The following AGBL2 variants were observed in gnomAD, a reference collection of about 807,000 sequenced individuals.
The protein encoded by AGBL2 is AGBL carboxypeptidase 2, also known as cytosolic carboxypeptidase 2.
AGBL2 carries 87 observed loss-of-function variants against 103.0 expected under a neutral mutation model. The ratio of observed to expected loss-of-function variants is 0.84; its 90% CI spans 0.71 to 1.01. The LOEUF (loss-of-function observed/expected upper bound fraction) is 1.01, where lower values mean the gene tolerates loss of function less well. Ranked by LOEUF, AGBL2 falls within the 50% of genes least tolerant of loss-of-function variation. The pLI, the probability that AGBL2 is intolerant of heterozygous loss-of-function variation, is 0.00. For synonymous variants in AGBL2, 335 were observed against 356.7 expected, an observed-to-expected ratio of 0.94 and a Z score of 0.69; for missense variants, 904 against 1,023.5, an observed-to-expected ratio of 0.88 and a Z score of 1.59.
At chr11:47,665,663 A>G (rs773355107) in intron 17 of AGBL2, among the ~76,000 whole-genome samples, 4 of 152,018 alleles carry the variant, frequency 2.6e-5, no homozygotes, top group Non-Finnish European at 5.9e-5. Flanking sequence ...TATGTTGTGC[A>G]GGCTGGTCTT....
chr11:47,705,855 A>T lies in AGBL2; in HGVS notation c.286+9T>A, dbSNP rs371185841. On this transcript the variant is annotated intron_variant, in intron 5 of 18. Transcript: ENST00000525123. ...CTTGAATCTTCTGGTCTGGAAGGAC[A>T]TGAAATACCTCTGTTGATGGCTTCT... The T allele has an allele frequency of 3.2e-5, 52 of 1,613,400 alleles. No homozygotes were observed. Among genetic ancestry groups the T allele is most frequent in the African/African-American group, 4.0e-5 (3 of 74,904 alleles).
chr11:47,705,991 C>T, intron 4 of AGBL2, 74 bp from the exon 5 acceptor site: 1 of 1,245,970 alleles, frequency 8.0e-7, no homozygotes. Flanking sequence ...CTATCCCCAT[C>T]CCTTCTCATT....
In AGBL2 at chr11:47,709,306, A is replaced by C. The variant is rs150963415; in HGVS notation, c.232+1071T>G. ...AGGAGACCAATTAGGAGGCTGAATG[A>C]TGACAGCTTGGATGGGAGGTGGTAG... is the stretch of plus-strand genomic sequence containing the variant. On this transcript the variant is annotated intron_variant, in intron 4 of 18. Coordinates refer to ENST00000525123, the MANE Select transcript of AGBL2 (RefSeq NM_024783.4). Among the ~76,000 whole-genome samples the C allele has an allele frequency of 3.4e-3, 505 of 147,710 alleles. 4 individuals are homozygous for C. The highest frequency in any genetic ancestry group is 3.9e-3 in the Non-Finnish European group (263 of 67,156).
At chr11:47,710,050 G>A (rs756734962) in intron 4 of AGBL2, among the ~76,000 whole-genome samples, 9 of 151,870 alleles carry the variant, frequency 5.9e-5, no homozygotes, top group Non-Finnish European at 1.2e-4. Context: ...CACCACACCC[G>A]GCTAATTTTT....
At position 47,666,682 on chromosome 11, in the gene AGBL2, A is replaced by G. The variant is rs150779166; in HGVS notation, c.2448+274T>C. 1,381 of 582,258 alleles carry G rather than the reference A, an allele frequency of 2.4e-3. 2 individuals carry two copies. The highest frequency in any genetic ancestry group is 0.011 in the Middle Eastern group (41 of 3,708). The allele number at this position is 582,258 out of a possible 1,614,324, so 36.1% of individuals were successfully genotyped here. ...CATTTGCTGATTGAGTAGATGGGTG[A>G]GTAGAGGGATGAATGGATGGTAAGT... On this transcript the variant is annotated intron_variant, in intron 17 of 18. Coordinates refer to ENST00000525123, the MANE Select transcript of AGBL2 (RefSeq NM_024783.4).
At position 47,666,969 on chromosome 11, in the gene AGBL2, G is replaced by T. The variant is rs749464477; in HGVS notation, c.2435C>A (p.Pro812Gln). 3.1e-6 allele frequency: 5 copies of T among 1,611,236 alleles called. No individual in the cohort carries two copies. The South Asian group carries it at 5.5e-5, about 18-fold the overall frequency. ...CAAAAATACTACCTCATTTAACCTT[G>T]GGTTTTCATTTTTCATTGGTAAAAA... is the stretch of plus-strand genomic sequence containing the variant. ...SSFLPMKNEN[P>Q]RLNETNLNRR... Residue 812 changes from proline (P) to glutamine (Q), a missense_variant, in exon 17 of 19, where the codon CCA (proline) becomes CAA (glutamine). Coordinates refer to ENST00000525123, the MANE Select transcript of AGBL2 (RefSeq NM_024783.4).
chr11:47,668,785 A>C (rs2153802805), intron 15 of AGBL2, 56 bp downstream of exon 15: 35 of 1,267,184 alleles, frequency 2.8e-5, no homozygotes, highest in South Asian at 3.6e-5. Flanking sequence ...ATTGTCTGGT[A>C]GTGTCATGAC....
intron 4 of AGBL2, 140 bp downstream of exon 4, chr11:47,710,237 G>C (rs753463431): frequency 6.6e-5 from 64 of 976,276 alleles, no homozygotes; most frequent in Non-Finnish European, 9.7e-5. Context: ...TAGATTTAGA[G>C]AGAAGTTTTG....
chr11:47,703,936 A>C (rs1298156483), intron 7 of AGBL2, among the ~76,000 whole-genome samples: 1 of 137,702 alleles, frequency 7.3e-6, no homozygotes, highest in South Asian at 2.9e-4. Context: ...AAAAAAAAAA[A>C]AAAACAAAAA....
chr11:47,678,335 A>ATT (rs771416947), intron 13 of AGBL2, among the ~76,000 whole-genome samples: 6,418 of 61,082 alleles, frequency 0.11, 397 homozygotes, highest in South Asian at 0.26. Flanking sequence ...ATTTTATTTT[A>ATT]TTATTTTATT....
chr11:47,687,566 G>A (rs1598991692), intron 10 of AGBL2, among the ~76,000 whole-genome samples: 1 of 148,944 alleles, frequency 6.7e-6, no homozygotes, highest in Non-Finnish European at 1.5e-5. Flanking sequence ...AAAAAAAAAA[G>A]TGTGGCACCT....
At chr11:47,670,118 A>C (rs1210760445) in intron 14 of AGBL2, among the ~76,000 whole-genome samples, 1 of 152,212 alleles carries the variant, frequency 6.6e-6, no homozygotes, top group Non-Finnish European at 1.5e-5. Context: ...AGGATTCTCA[A>C]TGTGCAGGCC....
Position 47,669,693 on chromosome 11 carries a change from G to GA in AGBL2, c.2148-787dup, listed in dbSNP as rs2097351535. ...AAGCTGTCTCAATAAAAAAAAAAAA[G>GA]AAAAATTTTTTTTTGAGACAGAGTC... On this transcript the variant is annotated intron_variant, in intron 14 of 18. Transcript: ENST00000525123. Among the ~76,000 whole-genome samples the GA allele has an allele frequency of 2.7e-5, 4 of 149,392 alleles. 1 individual carries two copies. Among genetic ancestry groups the GA allele is most frequent in the Admixed American group, 2.7e-4 (4 of 14,966 alleles).
chr11:47,666,742 C>T (rs1437568054), intron 17 of AGBL2: 2 of 613,706 alleles, frequency 3.3e-6, no homozygotes, highest in East Asian at 2.8e-5. Context: ...GGTGTAAAAT[C>T]ACAAATCACC....
chr11:47,705,840 C>T, intron 5 of AGBL2, 24 bp downstream of exon 5: 1 of 1,610,838 alleles, frequency 6.2e-7, no homozygotes, highest in Non-Finnish European at 8.5e-7. Context: ...CTTGAATCTT[C>T]TGGTCTGGAA....
At chr11:47,667,466 C>T in intron 16 of AGBL2, 105 bp downstream of exon 16, 1 of 1,366,772 alleles carries the variant, frequency 7.3e-7, no homozygotes, top group Non-Finnish European at 1.0e-6. Context: ...CTGCCCCAAT[C>T]TCCATCCCCT....
intron 9 of AGBL2, 26 bp downstream of exon 9, chr11:47,692,077 C>T (rs773136851): frequency 1.1e-5 from 18 of 1,596,614 alleles, no homozygotes; most frequent in Non-Finnish European, 1.7e-6. Flanking sequence ...CTCCAATTAT[C>T]ATCCCTTTGA....
Position 47,692,192 on chromosome 11 carries a change from T to G in AGBL2, c.759A>C (p.Glu253Asp). Residue 253 changes from glutamate (E) to aspartate (D), a missense_variant, in exon 9 of 19, where the codon GAA (glutamate) becomes GAC (aspartate). Glu to Asp is a conservative substitution (Grantham distance 45). Transcript: ENST00000525123. ...RVGGKRGIVK[E>D]LAVTLQGPED... ...CTGGTCCTTGCAACGTGACAGCAAGTTCCTTGACAATTCCTCGTTTGCCTC... is the reference window on the plus strand; with the variant it reads ...CTGGTCCTTGCAACGTGACAGCAAGGTCCTTGACAATTCCTCGTTTGCCTC... The G allele has an allele frequency of 6.2e-7, 1 of 1,613,792 alleles. No homozygotes were observed. The highest frequency in any genetic ancestry group is 8.5e-7 in the Non-Finnish European group (1 of 1,179,888).
chr11:47,708,676 T>C (rs2097528357), intron 4 of AGBL2, among the ~76,000 whole-genome samples: 1 of 151,536 alleles, frequency 6.6e-6, no homozygotes, highest in African/African-American at 2.4e-5. Flanking sequence ...TAGCTGGGCA[T>C]GGTGGCGCGT....
Sources: allele counts gnomAD v4.1 joint callset (sites outside exome capture counted in the v4.1 genomes callset), GRCh38; gene constraint gnomAD v4.1.1; transcripts MANE v1.5; gene names NCBI Gene and HGNC (gene_info 2026-07-23, HGNC 2026-07-21).